Variants in SH3RF1 observed in about 807,000 individuals in gnomAD.
The protein encoded by SH3RF1 is E3 ubiquitin-protein ligase SH3RF1.
In SH3RF1, 32 loss-of-function variants were observed where a neutral mutation model predicts 74.0. The observed-to-expected ratio is 0.43, with a 90% CI of 0.33 to 0.58. The LOEUF is 0.58. Ranked by LOEUF, SH3RF1 falls within the 20% of genes least tolerant of loss-of-function variation. SH3RF1 has a pLI of 0.05. For synonymous variants in SH3RF1, 396 were observed against 439.6 expected, an observed-to-expected ratio of 0.90 and a Z score of 1.24; for missense variants, 954 against 1,130.9, an observed-to-expected ratio of 0.84 and a Z score of 2.24.
chr4:169,165,430 C>A (rs1472278919), intron 2 of SH3RF1, among the ~76,000 whole-genome samples: 3 of 152,132 alleles, frequency 2.0e-5, no homozygotes, highest in Non-Finnish European at 4.4e-5. Flanking sequence ...GCCTGCAAAC[C>A]CAGCACTTTG....
chr4:169,254,762 A>T, intron 2 of SH3RF1, among the ~76,000 whole-genome samples: 1 of 152,222 alleles, frequency 6.6e-6, no homozygotes. Context: ...TCAGAACTTT[A>T]TCACCACACT....
Position 169,117,540 on chromosome 4 carries a change from C to T in SH3RF1, c.1760G>A (p.Arg587His), listed in dbSNP as rs187199623. The T allele has an allele frequency of 1.5e-5, 25 of 1,614,210 alleles. No individual in the cohort carries two copies. The highest frequency in any genetic ancestry group is 8.3e-5 in the Admixed American group (5 of 60,028). ...CTCCTTACCTGTCCTCACAGCATTG[C>T]GGGCCTGGTTGACTGTCATTTGCCC... ...MTGQMTVNQA[R>H]NAVRTVAAHN... is the part of the protein sequence containing the mutation. Residue 587 changes from arginine to histidine, a missense_variant, in exon 9 of 12, where the codon CGC becomes CAC. Arg to His is a conservative substitution (Grantham distance 29, BLOSUM62 0). This residue lies in a region of SH3RF1 where 854 missense variants were observed against 962.5 expected (regional missense o/e 0.89). Transcript: ENST00000284637.
At chr4:169,098,011 C>T (rs1732959819) in intron 11 of SH3RF1, among the ~76,000 whole-genome samples, 1 of 152,234 alleles carries the variant, frequency 6.6e-6, no homozygotes, top group African/African-American at 2.4e-5. Flanking sequence ...AGGGGATCCT[C>T]CAGCCCCAGT....
Position 169,096,217 on chromosome 4 carries a change from A to G in SH3RF1, c.*302T>C. ...TTTAAAAAAGCAAATAAATTAGTTA[A>G]GCCTTGTAAACAATTGTCCATTTTA... is the stretch of plus-strand genomic sequence containing the variant. On this transcript the variant is annotated 3_prime_UTR_variant, in exon 12 of 12. Transcript: ENST00000284637. The G allele has an allele frequency of 3.7e-6, 1 of 271,126 alleles. No individual in the cohort carries two copies. Among genetic ancestry groups the G allele is most frequent in the Non-Finnish European group, 6.8e-6 (1 of 146,426 alleles). The allele number at this position is 271,126 out of a possible 1,614,324, so 16.8% of individuals were successfully genotyped here. A position where few individuals can be genotyped will look rare whatever the true frequency, so the allele number is the denominator to read the frequency against.
chr4:169,198,256 A>G (rs1734853103), intron 2 of SH3RF1, among the ~76,000 whole-genome samples: 1 of 152,196 alleles, frequency 6.6e-6, no homozygotes, highest in Non-Finnish European at 1.5e-5. Flanking sequence ...CCACAAATGA[A>G]GGCCTAATTC....
chr4:169,270,311 C>A (rs1731426234), intron 1 of SH3RF1, among the ~76,000 whole-genome samples: 1 of 152,082 alleles, frequency 6.6e-6, no homozygotes, highest in South Asian at 2.1e-4. Flanking sequence ...CAGACACACC[C>A]CGGGGCCAGG....
At chr4:169,114,526 C>CT (rs112115531) in intron 10 of SH3RF1, among the ~76,000 whole-genome samples, 11,746 of 151,686 alleles carry the variant, frequency 0.077, 621 homozygotes, top group African/African-American at 0.16. Context: ...ACTATTCTGT[C>CT]TATCACAAGT....
At chr4:169,151,932 T>G (rs987861792) in intron 4 of SH3RF1, among the ~76,000 whole-genome samples, 2 of 152,254 alleles carry the variant, frequency 1.3e-5, no homozygotes, top group Admixed American at 1.3e-4. Flanking sequence ...TTTGCTTGCT[T>G]AAGAATCATG....
chr4:169,143,586 A>G (rs986662205), intron 4 of SH3RF1, among the ~76,000 whole-genome samples: 1 of 152,128 alleles, frequency 6.6e-6, no homozygotes, highest in African/African-American at 2.4e-5. Context: ...CTGACTCCCT[A>G]TGGCCCACAT....
intron 2 of SH3RF1, among the ~76,000 whole-genome samples, chr4:169,164,396 T>TG (rs1254354356): frequency 3.3e-5 from 5 of 152,208 alleles, no homozygotes; most frequent in Non-Finnish European, 7.3e-5. Context: ...CTCAACAGTT[T>TG]TACACAAATT....
intron 6 of SH3RF1, among the ~76,000 whole-genome samples, chr4:169,129,063 G>T (rs1380026156): frequency 1.3e-5 from 2 of 152,170 alleles, no homozygotes; most frequent in Admixed American, 6.5e-5. Context: ...TTCAAACCCT[G>T]ACTGTTTCAC....
chr4:169,125,183 G>A (rs1733504466), intron 6 of SH3RF1, among the ~76,000 whole-genome samples: 1 of 152,130 alleles, frequency 6.6e-6, no homozygotes, highest in Non-Finnish European at 1.5e-5. Context: ...ATCACTGAAG[G>A]AGCATGGCCT....
chr4:169,160,548 A>G (rs1228037626), intron 2 of SH3RF1, among the ~76,000 whole-genome samples: 1 of 152,234 alleles, frequency 6.6e-6, no homozygotes, highest in Non-Finnish European at 1.5e-5. Flanking sequence ...TGTTTCAATG[A>G]TCAATAACCA....
rs190130920 is a variant in SH3RF1 at position 169,234,656 on chromosome 4, G to A, written c.393+34164C>T. Among the ~76,000 whole-genome samples, 179 of 152,038 alleles carry A rather than the reference G, an allele frequency of 1.2e-3. 1 individual carries two copies. Among genetic ancestry groups the A allele is most frequent in the South Asian group, 8.5e-3 (41 of 4,804 alleles). On this transcript the variant is annotated intron_variant, in intron 2 of 11. Coordinates refer to ENST00000284637, the MANE Select transcript of SH3RF1 (RefSeq NM_020870.4). ...TAGAAAGTACTGCCTGGCATTGTTT[G>A]GAAACACCCTCATACCATTTCCAAT...
At chr4:169,268,731 T>C (rs924705095) in intron 2 of SH3RF1, 89 bp downstream of exon 2, 2 of 1,421,898 alleles carry the variant, frequency 1.4e-6, no homozygotes, top group South Asian at 1.4e-5. Flanking sequence ...AAGCAATGAG[T>C]TGACTTCGAA....
intron 4 of SH3RF1, among the ~76,000 whole-genome samples, chr4:169,154,508 T>C (rs1430600634): frequency 2.6e-5 from 4 of 152,308 alleles, no homozygotes; most frequent in Non-Finnish European, 5.9e-5. Context: ...TGCTTTGATA[T>C]TTTAAACAAC....
intron 2 of SH3RF1, among the ~76,000 whole-genome samples, chr4:169,176,608 T>G (rs921244613): frequency 1.3e-5 from 2 of 152,188 alleles, no homozygotes; most frequent in Admixed American, 1.3e-4. Context: ...TGGCCTAATC[T>G]TGGCTCACTG....
At chr4:169,102,422 A>G (rs1435107068) in intron 11 of SH3RF1, among the ~76,000 whole-genome samples, 3 of 151,692 alleles carry the variant, frequency 2.0e-5, no homozygotes, top group African/African-American at 7.3e-5. Flanking sequence ...AATTTAGGAG[A>G]TGAGCTTATA....
rs887308445 is a variant in SH3RF1 at position 169,155,658 on chromosome 4, G to A, written c.670-83C>T. On this transcript the variant is annotated intron_variant, in intron 3 of 11. Coordinates refer to ENST00000284637, the MANE Select transcript of SH3RF1 (RefSeq NM_020870.4). ...TCATTTAATTTTCCTTTTCAATAAAGAGACTCATGTTTTAAAGAGTACATG... is the reference window on the plus strand; with the variant it reads ...TCATTTAATTTTCCTTTTCAATAAAAAGACTCATGTTTTAAAGAGTACATG... 3.0e-6 allele frequency: 3 copies of A among 991,940 alleles called. No individual in the cohort carries two copies. The Admixed American group carries it at 5.5e-5, about 18-fold the overall frequency. The allele number at this position is 991,940 out of a possible 1,614,324, so 61.4% of individuals were successfully genotyped here.
Sources: allele counts gnomAD v4.1 joint callset (sites outside exome capture counted in the v4.1 genomes callset), GRCh38; gene constraint gnomAD v4.1.1; regional missense constraint gnomAD v4.1.1; transcripts MANE v1.5; gene names NCBI Gene and HGNC (gene_info 2026-07-23, HGNC 2026-07-21).